The following ADAMTS20 variants were observed in gnomAD, a reference collection of about 807,000 sequenced individuals.
ADAMTS20 encodes ADAM metallopeptidase with thrombospondin type 1 motif 20.
A neutral mutation model predicts 260.1 loss-of-function variants in ADAMTS20; 225 were observed. The observed-to-expected ratio is 0.87, with a 90% CI of 0.78 to 0.97. The LOEUF (loss-of-function observed/expected upper bound fraction) is 0.97, where lower values mean the gene tolerates loss of function less well. Ranked by LOEUF, ADAMTS20 falls within the 50% of genes least tolerant of loss-of-function variation. The pLI, the probability that ADAMTS20 is intolerant of heterozygous loss-of-function variation, is 0.00. For missense variants in ADAMTS20, 2,400 were observed against 2,337.7 expected (o/e 1.03, Z -0.55); for synonymous variants, 802 against 769.5 (o/e 1.04, Z -0.70).
intron 28 of ADAMTS20, among the ~76,000 whole-genome samples, 195 bp from the exon 29 acceptor site, chr12:43,399,428 TA>T (rs1645713137): frequency 6.6e-6 from 1 of 152,158 alleles, no homozygotes; most frequent in African/African-American, 2.4e-5. Context: ...GTGAATATCA[TA>T]AGGTAATATG....
At chr12:43,422,399 G>A (rs1379136571) in intron 28 of ADAMTS20, among the ~76,000 whole-genome samples, 3 of 151,978 alleles carry the variant, frequency 2.0e-5, no homozygotes, top group East Asian at 1.9e-4. Flanking sequence ...ATGCTAATAA[G>A]CTATTCTGAA....
chr12:43,505,425 C>G (rs1254051652), intron 3 of ADAMTS20, among the ~76,000 whole-genome samples: 1 of 152,054 alleles, frequency 6.6e-6, no homozygotes, highest in Non-Finnish European at 1.5e-5. Flanking sequence ...AAAAAAATTC[C>G]TGCAACTCAA....
chr12:43,532,586 G>T, intron 2 of ADAMTS20, among the ~76,000 whole-genome samples: 1 of 127,056 alleles, frequency 7.9e-6, no homozygotes, highest in Non-Finnish European at 1.7e-5. Flanking sequence ...TAAGTTTTAG[G>T]GTACATGTGC....
chr12:43,382,317 T>C (rs184606349), intron 31 of ADAMTS20, among the ~76,000 whole-genome samples: 12 of 152,278 alleles, frequency 7.9e-5, no homozygotes, highest in Admixed American at 6.5e-4. Context: ...GAATGAAGCA[T>C]TGATGTATGA....
At chr12:43,358,762 G>A (rs534633587) in intron 37 of ADAMTS20, among the ~76,000 whole-genome samples, 15 of 149,484 alleles carry the variant, frequency 1.0e-4, no homozygotes, top group African/African-American at 3.2e-4. Context: ...GCGTGAACCC[G>A]GGAGGCGGAG....
intron 15 of ADAMTS20, 110 bp from the exon 16 acceptor site, chr12:43,443,993 T>A: frequency 1.3e-6 from 1 of 778,970 alleles, no homozygotes; most frequent in Non-Finnish European, 2.1e-6. Context: ...TTAATTTTGT[T>A]GTGTCTTTAC....
At chr12:43,423,977 T>A in intron 28 of ADAMTS20, 1 of 680,286 alleles carries the variant, frequency 1.5e-6, no homozygotes, top group South Asian at 1.6e-5. Context: ...ACTTTGACTA[T>A]AAAGATGAAT....
Position 43,428,036 on chromosome 12 carries a change from CATA to C in ADAMTS20, c.3945+202_3945+204del, listed in dbSNP as rs770749548. On this transcript the variant is annotated intron_variant, in intron 26 of 38. Transcript: ENST00000389420. ...GTTTTACAGTACATTCCTCTGTAATCATAATAACACATTAGTGCATAATTCAAT... is the reference window on the plus strand; with the variant it reads ...GTTTTACAGTACATTCCTCTGTAATCATAACACATTAGTGCATAATTCAAT... Among the ~76,000 whole-genome samples the C allele has an allele frequency of 6.6e-5, 10 of 152,232 alleles. 1 individual carries two copies. Among genetic ancestry groups the C allele is most frequent in the South Asian group, 6.2e-4 (3 of 4,828 alleles).
At chr12:43,453,518 T>A (rs539411318) in intron 12 of ADAMTS20, among the ~76,000 whole-genome samples, 15 of 152,130 alleles carry the variant, frequency 9.9e-5, no homozygotes, top group Non-Finnish European at 2.2e-4. Context: ...CGGTAAAAAA[T>A]TGGTAACCAA....
intron 37 of ADAMTS20, among the ~76,000 whole-genome samples, chr12:43,360,617 C>T (rs1258680575): frequency 6.6e-6 from 1 of 152,034 alleles, no homozygotes; most frequent in East Asian, 1.9e-4. Flanking sequence ...AGACATAACA[C>T]ATAATAAATA....
At chr12:43,507,031 T>TC (rs200143505) in intron 3 of ADAMTS20, among the ~76,000 whole-genome samples, 13,835 of 152,096 alleles carry the variant, frequency 0.091, 787 homozygotes, top group Admixed American at 0.19. Context: ...GAATTGAATG[T>TC]ACAGCATAGT....
At chr12:43,358,372 C>CA (rs994972179) in intron 37 of ADAMTS20, among the ~76,000 whole-genome samples, 20 of 151,466 alleles carry the variant, frequency 1.3e-4, no homozygotes, top group Middle Eastern at 6.8e-3. Context: ...AATATGATCT[C>CA]AAAAAAAATG....
intron 32 of ADAMTS20, 121 bp from the exon 33 acceptor site, chr12:43,376,774 T>C (rs533602060): frequency 1.0e-5 from 12 of 1,157,306 alleles, no homozygotes; most frequent in East Asian, 2.5e-5. Context: ...AGTGGCTAGA[T>C]ACACAGAAGA....
chr12:43,463,980 A>G (rs1205595267), intron 10 of ADAMTS20, among the ~76,000 whole-genome samples: 1 of 152,148 alleles, frequency 6.6e-6, no homozygotes. Flanking sequence ...TCACCAAAGC[A>G]GTGACATTTA....
chr12:43,522,273 C>T lies in ADAMTS20; in HGVS notation c.613+9763G>A, dbSNP rs528430466. Among the ~76,000 whole-genome samples, 71 of 152,232 alleles carry T rather than the reference C, an allele frequency of 4.7e-4. 2 individuals carry two copies. The highest frequency in any genetic ancestry group is 1.6e-3 in the African/African-American group (66 of 41,538). On this transcript the variant is annotated intron_variant, in intron 3 of 38. Transcript: ENST00000389420. Reference sequence around the variant, plus strand: ...GAAAACCATCAGTTCTCATGAGACCCACTCATTATCATGAGAACAGCATAA... The same window carrying T: ...GAAAACCATCAGTTCTCATGAGACCTACTCATTATCATGAGAACAGCATAA...
At chr12:43,374,389 G>T (rs1195323052) in intron 36 of ADAMTS20, among the ~76,000 whole-genome samples, 1 of 152,152 alleles carries the variant, frequency 6.6e-6, no homozygotes, top group African/African-American at 2.4e-5. Flanking sequence ...GTCTCTGCTA[G>T]TGAAATGCAC....
In ADAMTS20 at chr12:43,502,080, T is replaced by C. The variant is rs1270753936; in HGVS notation, c.867+72A>G. 4 of 1,400,632 alleles carry C rather than the reference T, an allele frequency of 2.9e-6. No individual in the cohort carries two copies. The African/African-American group carries it at 4.5e-5, about 16-fold the overall frequency. 86.8% of individuals were successfully genotyped at this position (1,400,632 alleles called of 1,614,324 possible). ...ATCTAAAGAGTTTGGAAAAAAAATTTAATTCGACATGAAAAAATTTCATTA... is the reference window on the plus strand; with the variant it reads ...ATCTAAAGAGTTTGGAAAAAAAATTCAATTCGACATGAAAAAATTTCATTA... On this transcript the variant is annotated intron_variant, in intron 4 of 38. Coordinates refer to ENST00000389420, the MANE Select transcript of ADAMTS20 (RefSeq NM_025003.5).
In ADAMTS20 at chr12:43,546,797, T is replaced by A. The variant is rs147481416; in HGVS notation, c.453+4112A>T. On this transcript the variant is annotated intron_variant, in intron 2 of 38. Coordinates refer to ENST00000389420, the MANE Select transcript of ADAMTS20 (RefSeq NM_025003.5). ...TTCAGTTCCATTTTTATACTTTTTATAGATCTTGGAAATGTATAAATAAAT... is the reference window on the plus strand; with the variant it reads ...TTCAGTTCCATTTTTATACTTTTTAAAGATCTTGGAAATGTATAAATAAAT... 1.4e-4 allele frequency among the ~76,000 whole-genome samples: 21 copies of A among 152,328 alleles called. No homozygotes were observed. In the East Asian group the frequency reaches 3.5e-3, roughly 25 times the overall value.
chr12:43,423,402 C>T (rs1941270866), intron 28 of ADAMTS20: 1 of 248,162 alleles, frequency 4.0e-6, no homozygotes, highest in Admixed American at 5.0e-5. Flanking sequence ...GCTTCAATAT[C>T]TAATATAAAG....
Sources: allele counts gnomAD v4.1 joint callset (sites outside exome capture counted in the v4.1 genomes callset), GRCh38; gene constraint gnomAD v4.1.1; transcripts MANE v1.5; gene names NCBI Gene and HGNC (gene_info 2026-07-23, HGNC 2026-07-21).